Variants in TENM2 observed in about 807,000 individuals in gnomAD.
TENM2 encodes teneurin-2.
TENM2 carries 52 observed loss-of-function variants against 245.2 expected under a neutral mutation model. The ratio of observed to expected loss-of-function variants is 0.21; its 90% CI spans 0.17 to 0.27. The LOEUF (loss-of-function observed/expected upper bound fraction) is 0.27. TENM2 is among the 10% of genes least tolerant of loss of function. The probability of loss-of-function intolerance (pLI) is 1.00; values close to 1 mark genes in which losing one functional copy is unlikely to be tolerated. For missense variants in TENM2, 3,046 were observed against 3,666.8 expected (o/e 0.83, Z 4.37); for synonymous variants, 1,363 against 1,438.9 (o/e 0.95, Z 1.19).
At chr5:167,310,085 T>C (rs181933128) in intron 1 of TENM2, among the ~76,000 whole-genome samples, 127 of 152,322 alleles carry the variant, frequency 8.3e-4, no homozygotes, top group African/African-American at 2.9e-3. Flanking sequence ...GTAGACCATA[T>C]TGGAAACAGA....
At chr5:167,080,771 T>C in the TENM2 span, among the ~76,000 whole-genome samples, 3 of 152,148 alleles carry the variant, frequency 2.0e-5, no homozygotes, top group Admixed American at 6.5e-5. Context: ...ATGTATCTTC[T>C]CAAAGAATAT....
At chr5:167,041,038 A>G in the TENM2 span, among the ~76,000 whole-genome samples, 1 of 152,204 alleles carries the variant, frequency 6.6e-6, no homozygotes, top group Non-Finnish European at 1.5e-5. Flanking sequence ...TCCTTGACAC[A>G]TCAGATGTTT....
intron 2 of TENM2, among the ~76,000 whole-genome samples, chr5:167,851,090 G>C (rs1401787096): frequency 6.6e-6 from 1 of 152,096 alleles, no homozygotes; most frequent in Non-Finnish European, 1.5e-5. Context: ...ATGAAGAAAT[G>C]TGTCAGCCGT....
chr5:168,218,099 T>C lies in TENM2; in HGVS notation c.4234-26T>C. 3.7e-6 allele frequency: 6 copies of C among 1,600,498 alleles called. No homozygotes were observed. Among genetic ancestry groups the C allele is most frequent in the Middle Eastern group, 3.3e-4 (2 of 5,988 alleles). ...CGTTGGACATATTAAAGGCTGTTCTTTAATCTGATACCACGTCATCCACAG... is the reference window on the plus strand; with the variant it reads ...CGTTGGACATATTAAAGGCTGTTCTCTAATCTGATACCACGTCATCCACAG... On this transcript the variant is annotated intron_variant, in intron 22 of 28. Transcript: ENST00000518659. The surrounding 1 kb of genome is among the most constrained non-coding windows in gnomAD (Gnocchi z 5.2).
At chr5:168,176,997 T>C (rs4976577) in intron 13 of TENM2, among the ~76,000 whole-genome samples, 129,527 of 152,208 alleles carry the variant, frequency 0.85, 55,576 homozygotes, top group African/African-American at 0.94. Context: ...CTCATCCTGT[T>C]CATTGACTTC....
chr5:167,211,896 T>C, the TENM2 span, among the ~76,000 whole-genome samples: 1 of 152,232 alleles, frequency 6.6e-6, no homozygotes, highest in African/African-American at 2.4e-5. Context: ...TTACATCTTT[T>C]ATCTTAATTT....
the TENM2 span, among the ~76,000 whole-genome samples, chr5:167,061,506 G>A: frequency 3.3e-5 from 5 of 152,176 alleles, no homozygotes; most frequent in African/African-American, 1.2e-4. Flanking sequence ...ATGCTCAAGG[G>A]TTGATGAAAC....
chr5:168,258,632 G>A (rs189412046), intron 27 of TENM2, among the ~76,000 whole-genome samples: 1 of 152,298 alleles, frequency 6.6e-6, no homozygotes, highest in East Asian at 1.9e-4. Context: ...AAAGAAGCCA[G>A]ACACAAAAGG....
chr5:167,648,857 G>C lies in TENM2; in HGVS notation c.503-227129G>C, dbSNP rs540955619. 5.9e-5 allele frequency among the ~76,000 whole-genome samples: 9 copies of C among 152,318 alleles called. No homozygotes were observed. In the South Asian group the frequency reaches 1.7e-3, roughly 28 times the overall value. ...TCTCAAAATGCCTGTACTTTGTTCT[G>C]AGGAACTTTCAGGCAACTTTCTGAA... On this transcript the variant is annotated intron_variant, in intron 2 of 28. Transcript: ENST00000518659.
chr5:167,333,020 G>A (rs1322678113), intron 1 of TENM2, among the ~76,000 whole-genome samples: 1 of 152,100 alleles, frequency 6.6e-6, no homozygotes, highest in Non-Finnish European at 1.5e-5. Context: ...AAGAAAAAAT[G>A]GATGTGAATT....
rs1274703435 is a variant in TENM2 at position 168,244,008 on chromosome 5, A to G, written c.5521-412A>G. ...AGGCTGGAGTGCATGGCACAATTTC[A>G]GCTCACTGCCATCTCCACCTCCCAG... On this transcript the variant is annotated intron_variant, in intron 25 of 28. Transcript: ENST00000518659. This position sits in a 1 kb window ranked among gnomAD's most constrained non-coding sequence, Gnocchi z 4.9. Among the ~76,000 whole-genome samples, 3 of 143,202 alleles carry G rather than the reference A, an allele frequency of 2.1e-5. No individual in the cohort carries two copies. The highest frequency in any genetic ancestry group is 4.5e-5 in the Non-Finnish European group (3 of 66,806). 93.9% of individuals were successfully genotyped at this position (143,202 alleles called of 152,430 possible). A position where few individuals can be genotyped will look rare whatever the true frequency, so the allele number is the denominator to read the frequency against.
chr5:168,125,004 C>T (rs1318271231), exon 11 of TENM2: 2 of 1,610,676 alleles, frequency 1.2e-6, no homozygotes, highest in Admixed American at 3.4e-5. Context: ...CTGACACGGG[C>T]CTCTGCAGCT....
At chr5:168,173,375 C>G (rs527735484) in intron 13 of TENM2, among the ~76,000 whole-genome samples, 2 of 152,262 alleles carry the variant, frequency 1.3e-5, no homozygotes, top group East Asian at 3.9e-4. Context: ...CAGTGACACT[C>G]AGGAGAATGG....
At chr5:167,442,874 G>A (rs956033944) in intron 2 of TENM2, among the ~76,000 whole-genome samples, 4 of 152,076 alleles carry the variant, frequency 2.6e-5, no homozygotes, top group South Asian at 2.1e-4. Flanking sequence ...TTATGTGACC[G>A]TTCCTGTTGA....
At chr5:168,215,070 A>C in exon 21 of TENM2, 4 of 1,613,876 alleles carry the variant, frequency 2.5e-6, no homozygotes, top group Non-Finnish European at 3.4e-6. Context: ...ACTACTTGGC[A>C]GTGGACCCCG....
chr5:167,149,954 A>T, the TENM2 span, among the ~76,000 whole-genome samples: 1 of 152,174 alleles, frequency 6.6e-6, no homozygotes, highest in Non-Finnish European at 1.5e-5. Flanking sequence ...GAAGGGAAGG[A>T]GAGGAAGGAT....
intron 1 of TENM2, among the ~76,000 whole-genome samples, chr5:167,355,112 CT>C (rs1357198956): frequency 6.6e-6 from 1 of 152,216 alleles, no homozygotes; most frequent in African/African-American, 2.4e-5. Context: ...GATTTTCTGT[CT>C]GTTTCCGTAG....
chr5:167,964,604 C>T (rs1478065978), intron 4 of TENM2, among the ~76,000 whole-genome samples: 1 of 152,162 alleles, frequency 6.6e-6, no homozygotes, highest in Non-Finnish European at 1.5e-5. Context: ...AAACAAATGT[C>T]CCTTACACCA....
chr5:167,646,244 A>G (rs1003723350), intron 2 of TENM2, among the ~76,000 whole-genome samples: 6 of 117,534 alleles, frequency 5.1e-5, no homozygotes, highest in African/African-American at 1.9e-4. Flanking sequence ...GTTTTCTTAT[A>G]TATATGAAAA....
Sources: gnomAD v4.1 joint callset for allele counts (sites outside exome capture counted in the v4.1 genomes callset) on GRCh38, gnomAD v4.1.1 for gene constraint, Gnocchi (gnomAD v3.1) non-coding constraint, MANE v1.5 for transcripts, NCBI Gene and HGNC (gene_info 2026-07-23, HGNC 2026-07-21) for gene names.